CCDC148: variants seen among roughly 807,000 people sequenced by gnomAD.
The protein encoded by CCDC148 is coiled-coil domain containing 148, also known as coiled-coil domain-containing protein 148.
A neutral mutation model predicts 85.7 loss-of-function variants in CCDC148; 89 were observed. The observed-to-expected ratio is 1.04, with a 90% CI of 0.87 to 1.24. The LOEUF is 1.24. Ranked by LOEUF, CCDC148 falls within the 50% of genes most tolerant of loss-of-function variation. The pLI, the probability that CCDC148 is intolerant of heterozygous loss-of-function variation, is 0.00. For synonymous variants in CCDC148, 230 were observed against 213.9 expected, an observed-to-expected ratio of 1.08 and a Z score of -0.66; for missense variants, 692 against 671.7, an observed-to-expected ratio of 1.03 and a Z score of -0.33.
intron 9 of CCDC148, among the ~76,000 whole-genome samples, chr2:158,303,903 C>T (rs922160180): frequency 6.6e-6 from 1 of 152,104 alleles, no homozygotes; most frequent in African/African-American, 2.4e-5. Flanking sequence ...AGGAAATGCA[C>T]AGAAAGCATC....
chr2:158,361,786 C>A (rs1358141821), intron 1 of CCDC148, among the ~76,000 whole-genome samples: 1 of 152,156 alleles, frequency 6.6e-6, no homozygotes, highest in Admixed American at 6.5e-5. Flanking sequence ...GAGCTAGCAT[C>A]ATGATGACAG....
chr2:158,392,842 C>T (rs1474824031), intron 1 of CCDC148, among the ~76,000 whole-genome samples: 1 of 151,954 alleles, frequency 6.6e-6, no homozygotes, highest in Non-Finnish European at 1.5e-5. Flanking sequence ...GTTGTTGTTA[C>T]TGTGATGGGC....
chr2:158,198,946 G>T (rs930307971), intron 11 of CCDC148, among the ~76,000 whole-genome samples: 2 of 152,142 alleles, frequency 1.3e-5, no homozygotes, highest in African/African-American at 2.4e-5. Flanking sequence ...TCAGAAAGAT[G>T]ACTTTTTAAG....
intron 9 of CCDC148, among the ~76,000 whole-genome samples, chr2:158,284,861 G>C (rs1272835832): frequency 6.6e-6 from 1 of 152,124 alleles, no homozygotes; most frequent in Non-Finnish European, 1.5e-5. Context: ...AAACAACACT[G>C]CTTACTGTGT....
chr2:158,369,969 C>T (rs577692234), intron 1 of CCDC148, among the ~76,000 whole-genome samples: 3 of 152,140 alleles, frequency 2.0e-5, no homozygotes, highest in South Asian at 2.1e-4. Context: ...TGATGAATTA[C>T]GTTTATTAAT....
intron 9 of CCDC148, among the ~76,000 whole-genome samples, chr2:158,294,270 T>C (rs1356841855): frequency 6.6e-6 from 1 of 152,164 alleles, no homozygotes; most frequent in East Asian, 1.9e-4. Flanking sequence ...GTTTTACTTT[T>C]TGTTGCTGAG....
At chr2:158,336,870 C>T (rs1027973456) in intron 7 of CCDC148, among the ~76,000 whole-genome samples, 2 of 152,120 alleles carry the variant, frequency 1.3e-5, no homozygotes, top group Admixed American at 6.6e-5. Flanking sequence ...GCCTCCCCAC[C>T]GTCTTCTGCC....
intron 2 of CCDC148, among the ~76,000 whole-genome samples, chr2:158,348,531 C>T (rs1457241707): frequency 6.6e-6 from 1 of 151,764 alleles, no homozygotes; most frequent in Non-Finnish European, 1.5e-5. Flanking sequence ...AAATTTAACA[C>T]TATATATTTG....
intron 9 of CCDC148, among the ~76,000 whole-genome samples, chr2:158,290,173 C>G (rs1690821659): frequency 6.6e-6 from 1 of 152,130 alleles, no homozygotes; most frequent in African/African-American, 2.4e-5. Flanking sequence ...TGAAGGATGG[C>G]AGGTGGCTGA....
At chr2:158,452,005 A>T (rs2105351018) in intron 1 of CCDC148, among the ~76,000 whole-genome samples, 1 of 152,348 alleles carries the variant, frequency 6.6e-6, no homozygotes, top group South Asian at 2.1e-4. Flanking sequence ...TTATTTAAGT[A>T]TGACCTTATG....
intron 10 of CCDC148, among the ~76,000 whole-genome samples, chr2:158,249,873 T>C (rs2105140853): frequency 6.6e-6 from 1 of 152,246 alleles, no homozygotes; most frequent in Non-Finnish European, 1.5e-5. Context: ...TAATTAATCA[T>C]TCTTGGCACT....
intron 9 of CCDC148, among the ~76,000 whole-genome samples, chr2:158,261,294 G>T (rs1689211291): frequency 6.6e-6 from 1 of 152,032 alleles, no homozygotes; most frequent in South Asian, 2.1e-4. Flanking sequence ...AATAAACGGT[G>T]CTGGGATAAC....
At chr2:158,422,009 G>C (rs13000437) in intron 1 of CCDC148, among the ~76,000 whole-genome samples, 1 of 152,026 alleles carries the variant, frequency 6.6e-6, no homozygotes, top group African/African-American at 2.4e-5. Flanking sequence ...TAAATTCCTG[G>C]ACACATACAA....
intron 1 of CCDC148, among the ~76,000 whole-genome samples, chr2:158,407,360 T>G (rs973374922): frequency 2.0e-5 from 3 of 152,162 alleles, no homozygotes; most frequent in African/African-American, 7.2e-5. Flanking sequence ...CTTCTTGAAT[T>G]GCATGATCAG....
chr2:158,390,520 A>C (rs901201181), intron 1 of CCDC148, among the ~76,000 whole-genome samples: 2 of 152,158 alleles, frequency 1.3e-5, no homozygotes, highest in African/African-American at 4.8e-5. Context: ...AAATAGCCAA[A>C]CTCTTATAAA....
rs185767947 is a variant in CCDC148 at position 158,342,733 on chromosome 2, T to C, written c.252-2053A>G. ...AAATGCCCTTCACCAGGGTGTCTTA[T>C]CTGCAGGTGGTTGCACTGAGTAGAT... is the stretch of plus-strand genomic sequence containing the variant. On this transcript the variant is annotated intron_variant, in intron 3 of 13. Coordinates refer to ENST00000283233, the MANE Select transcript of CCDC148 (RefSeq NM_138803.4). Among the ~76,000 whole-genome samples the C allele has an allele frequency of 5.0e-3, 763 of 152,278 alleles. 5 individuals carry two copies. Among genetic ancestry groups the C allele is most frequent in the African/African-American group, 0.018 (728 of 41,542 alleles).
chr2:158,308,489 A>G (rs1026279979), intron 9 of CCDC148, among the ~76,000 whole-genome samples: 19 of 152,242 alleles, frequency 1.2e-4, no homozygotes, highest in African/African-American at 4.3e-4. Flanking sequence ...AATGCAGATG[A>G]AACATTTTTC....
intron 1 of CCDC148, among the ~76,000 whole-genome samples, chr2:158,393,639 A>G (rs1685409178): frequency 6.6e-6 from 1 of 152,178 alleles, no homozygotes; most frequent in Non-Finnish European, 1.5e-5. Context: ...GAGGATTGAC[A>G]GAAATCTGCT....
At chr2:158,342,830 G>A (rs1682797230) in intron 3 of CCDC148, among the ~76,000 whole-genome samples, 2 of 152,124 alleles carry the variant, frequency 1.3e-5, no homozygotes, top group Admixed American at 6.5e-5. Context: ...TGAAACGAGG[G>A]AGAAAGCGCC....
Sources: gnomAD v4.1 joint callset for allele counts (sites outside exome capture counted in the v4.1 genomes callset) on GRCh38, gnomAD v4.1.1 for gene constraint, MANE v1.5 for transcripts, NCBI Gene and HGNC (gene_info 2026-07-23, HGNC 2026-07-21) for gene names.